The following QTGAL variants were observed in gnomAD, a reference collection of about 807,000 sequenced individuals.
The protein encoded by QTGAL is BGnT-like protein 1.
At chr17:82,998,167 C>T in the QTGAL span, among the ~76,000 whole-genome samples, 1 of 151,716 alleles carries the variant, frequency 6.6e-6, no homozygotes, top group Admixed American at 6.6e-5. Flanking sequence ...TGACGGATAC[C>T]CCATTTACCC....
chr17:82,965,522 A>G, the QTGAL span: 17 of 897,128 alleles, frequency 1.9e-5, no homozygotes, highest in East Asian at 4.8e-4. Context: ...ACCCTCAGGC[A>G]GGGGTTTCCT....
the QTGAL span, chr17:82,960,262 A>C: frequency 6.6e-6 from 1 of 152,202 alleles, no homozygotes; most frequent in African/African-American, 2.4e-5. Flanking sequence ...TCTTGCCGAG[A>C]GTCTCAACCC....
the QTGAL span, among the ~76,000 whole-genome samples, chr17:82,977,860 T>C: frequency 6.6e-6 from 1 of 152,180 alleles, no homozygotes. Flanking sequence ...ACGTACGCTC[T>C]AGTACTTCCT....
At chr17:82,993,623 A>G in the QTGAL span, among the ~76,000 whole-genome samples, 2 of 152,152 alleles carry the variant, frequency 1.3e-5, no homozygotes, top group African/African-American at 4.8e-5. Context: ...TCTGTGCTAC[A>G]GACCAAATGG....
the QTGAL span, among the ~76,000 whole-genome samples, chr17:83,015,865 C>A: frequency 1.7e-4 from 26 of 152,308 alleles, no homozygotes; most frequent in Admixed American, 8.5e-4. This position sits in a 1 kb window ranked among gnomAD's most constrained non-coding sequence, Gnocchi z 4.4. Flanking sequence ...AAAACCACGC[C>A]CCCCCACCAT....
At chr17:82,945,584 T>A in the QTGAL span, 1 of 152,152 alleles carries the variant, frequency 6.6e-6, no homozygotes, top group Admixed American at 6.5e-5. Flanking sequence ...GAGAACAAAA[T>A]TAAGTCATTT....
chr17:83,023,609 A>G, the QTGAL span, among the ~76,000 whole-genome samples: 9 of 152,236 alleles, frequency 5.9e-5, no homozygotes, highest in Admixed American at 5.2e-4. Context: ...TAAAGGGAAA[A>G]TAGCATGATT....
At chr17:83,038,488 A>G in the QTGAL span, among the ~76,000 whole-genome samples, 2 of 152,234 alleles carry the variant, frequency 1.3e-5, no homozygotes, top group African/African-American at 2.4e-5. Context: ...GAGTGTCACA[A>G]CAGTCACCAA....
At chr17:82,942,380 A>AG in the QTGAL span, 1 of 1,609,110 alleles carries the variant, frequency 6.2e-7, no homozygotes, top group South Asian at 1.1e-5. Flanking sequence ...CAGAGGGGTG[A>AG]GGGTCCCCTG....
chr17:83,004,964 C>T, the QTGAL span: 1 of 604,656 alleles, frequency 1.7e-6, no homozygotes, highest in Non-Finnish European at 2.8e-6. Flanking sequence ...TCATCTTCCA[C>T]TCTGTGCGAT....
At chr17:83,045,093 T>C in the QTGAL span, among the ~76,000 whole-genome samples, 7 of 152,214 alleles carry the variant, frequency 4.6e-5, no homozygotes, top group Non-Finnish European at 7.3e-5. Context: ...CTAATAATTG[T>C]AGGATACAAG....
the QTGAL span, among the ~76,000 whole-genome samples, chr17:82,958,848 C>CTG: frequency 3.0e-5 from 2 of 66,914 alleles, no homozygotes; most frequent in South Asian, 6.7e-4. Flanking sequence ...TGTGTGTACA[C>CTG]TGGGGGTGTA....
the QTGAL span, chr17:82,943,810 T>TTTTA: frequency 1.2e-4 from 19 of 152,374 alleles, no homozygotes; most frequent in Non-Finnish European, 2.1e-4. Flanking sequence ...GATTTAAATA[T>TTTTA]TTTATTCCAA....
chr17:83,046,114 A>G, the QTGAL span, among the ~76,000 whole-genome samples: 1 of 151,658 alleles, frequency 6.6e-6, no homozygotes, highest in Admixed American at 6.6e-5. Context: ...ATGACCCACC[A>G]AACCCGGCCC....
chr17:82,951,921 CACAT>C, the QTGAL span, among the ~76,000 whole-genome samples: 1 of 151,784 alleles, frequency 6.6e-6, no homozygotes, highest in Non-Finnish European at 1.5e-5. Flanking sequence ...GTCACCGTAA[CACAT>C]ACAGTAACAG....
the QTGAL span, chr17:82,956,760 TG>T: frequency 2.5e-6 from 4 of 1,581,866 alleles, no homozygotes; most frequent in Non-Finnish European, 2.6e-6. This position sits in a 1 kb window ranked among gnomAD's most constrained non-coding sequence, Gnocchi z 5.7. Context: ...ATTCGGGGCT[TG>T]GGTCTTTCCT....
the QTGAL span, among the ~76,000 whole-genome samples, chr17:83,031,956 G>A: frequency 2.0e-5 from 3 of 152,360 alleles, no homozygotes; most frequent in African/African-American, 2.4e-5. Context: ...GCCAGCACCC[G>A]GGAAGGTGCC....
chr17:83,040,609 A>G, the QTGAL span, among the ~76,000 whole-genome samples: 1 of 152,248 alleles, frequency 6.6e-6, no homozygotes, highest in African/African-American at 2.4e-5. Flanking sequence ...GACTGGTGTA[A>G]GATTTCTTAT....
chr17:82,958,381 G>A, the QTGAL span, among the ~76,000 whole-genome samples: 2 of 152,214 alleles, frequency 1.3e-5, no homozygotes, highest in South Asian at 2.1e-4. Flanking sequence ...AGCTGTGTCC[G>A]TGGGAGTCTC....
Sources: allele counts gnomAD v4.1 joint callset (sites outside exome capture counted in the v4.1 genomes callset), GRCh38; gene constraint gnomAD v4.1.1; non-coding constraint Gnocchi (gnomAD v3.1); transcripts MANE v1.5; gene names NCBI Gene and HGNC (gene_info 2026-07-23, HGNC 2026-07-21).